Variants in FGF13 observed in about 807,000 individuals in gnomAD.
FGF13 encodes the protein fibroblast growth factor homologous factor 2.
In FGF13, 2 loss-of-function variants were observed where a neutral mutation model predicts 19.5. The observed-to-expected ratio is 0.10, with a 90% CI of 0.04 to 0.32. The LOEUF (loss-of-function observed/expected upper bound fraction) is 0.32. FGF13 is among the 10% of genes least tolerant of loss of function. The pLI, the probability that FGF13 is intolerant of heterozygous loss-of-function variation, is 1.00. For missense variants in FGF13, 113 were observed against 192.7 expected (o/e 0.59, Z 2.45); for synonymous variants, 72 against 76.9 (o/e 0.94, Z 0.33).
At chrX:139,089,843 C>CATT (rs1439034941) in intron 1 of FGF13, among the ~76,000 whole-genome samples, 12 of 111,203 alleles carry the variant, frequency 1.1e-4, no homozygotes, top group Admixed American at 1.9e-4. Flanking sequence ...TTGTGACCAT[C>CATT]ATTATTATTA....
At chrX:138,975,673 G>A (rs1400355593) in intron 1 of FGF13, among the ~76,000 whole-genome samples, 1 of 111,840 alleles carries the variant, frequency 8.9e-6, no homozygotes, top group Non-Finnish European at 1.9e-5. Context: ...GGGCCTTGGA[G>A]GAAGAATGGT....
At chrX:138,865,475 T>C (rs1054437241) in intron 1 of FGF13, among the ~76,000 whole-genome samples, 2 of 75,886 alleles carry the variant, frequency 2.6e-5, no homozygotes, top group African/African-American at 6.3e-5. Flanking sequence ...CTCTCTCTCC[T>C]CTCTCTCTCT....
intron 1 of FGF13, among the ~76,000 whole-genome samples, chrX:139,048,742 T>C (rs1170615319): frequency 1.8e-5 from 2 of 110,972 alleles, no homozygotes; most frequent in East Asian, 2.8e-4. Context: ...TTAAAAGCAA[T>C]TGTTTAATAA....
intron 1 of FGF13, among the ~76,000 whole-genome samples, chrX:138,865,642 T>C (rs756719656): frequency 3.4e-4 from 38 of 110,515 alleles, no homozygotes; most frequent in Admixed American, 7.7e-4. Flanking sequence ...GCAGCACACG[T>C]CTCTACACAG....
At chrX:138,809,500 G>A (rs2090902958) in intron 3 of FGF13, among the ~76,000 whole-genome samples, 1 of 111,598 alleles carries the variant, frequency 9.0e-6, no homozygotes, top group South Asian at 3.8e-4. Context: ...TACTGAATGG[G>A]CAAAACCTGG....
At chrX:138,950,468 T>G (rs1239405178) in intron 1 of FGF13, among the ~76,000 whole-genome samples, 1 of 111,943 alleles carries the variant, frequency 8.9e-6, no homozygotes, top group Middle Eastern at 4.2e-3. Flanking sequence ...CCTCTTTCGA[T>G]AGATGATAGG....
chrX:139,007,347 A>G (rs994724638), intron 1 of FGF13, among the ~76,000 whole-genome samples: 3 of 111,912 alleles, frequency 2.7e-5, no homozygotes, highest in Non-Finnish European at 5.6e-5. Context: ...CCAGATATAT[A>G]AAGCAAATAT....
intron 2 of FGF13, among the ~76,000 whole-genome samples, chrX:138,862,072 G>A (rs2091291281): frequency 8.9e-6 from 1 of 111,739 alleles, no homozygotes; most frequent in African/African-American, 3.2e-5. Context: ...TAGCTATTGG[G>A]TTCTTCAGTA....
intron 1 of FGF13, among the ~76,000 whole-genome samples, chrX:139,153,811 T>C (rs906147009): frequency 1.9e-5 from 2 of 106,221 alleles, no homozygotes; most frequent in African/African-American, 3.8e-5. Flanking sequence ...TCGTTATAAG[T>C]AGAGGAAAAT....
chrX:138,836,031 A>G, intron 3 of FGF13, among the ~76,000 whole-genome samples: 1 of 110,984 alleles, frequency 9.0e-6, no homozygotes, highest in Non-Finnish European at 1.9e-5. Flanking sequence ...TCTAGCTTAC[A>G]GGGTTTCAAG....
intron 3 of FGF13, among the ~76,000 whole-genome samples, chrX:138,844,668 C>T (rs556235911): frequency 9.0e-6 from 1 of 111,466 alleles, no homozygotes; most frequent in South Asian, 3.8e-4. Context: ...TTCCTTAGAC[C>T]TCATTCTTTT....
intron 1 of FGF13, among the ~76,000 whole-genome samples, chrX:138,976,337 T>C (rs1439863735): frequency 9.8e-5 from 11 of 111,900 alleles, no homozygotes; most frequent in Admixed American, 5.7e-4. Context: ...AAATGTAGTA[T>C]ATATACACCA....
chrX:138,847,352 A>C (rs562720667), intron 3 of FGF13, among the ~76,000 whole-genome samples: 88 of 112,029 alleles, frequency 7.9e-4, no homozygotes, highest in African/African-American at 2.7e-3. Flanking sequence ...GATGTGGCCC[A>C]GTGGAAGTAC....
intron 1 of FGF13, among the ~76,000 whole-genome samples, chrX:139,005,021 C>T (rs1251922518): frequency 8.9e-6 from 1 of 112,069 alleles, no homozygotes; most frequent in Admixed American, 9.4e-5. Flanking sequence ...AGGACGCAAG[C>T]CTGGCAGGCT....
intron 1 of FGF13, among the ~76,000 whole-genome samples, chrX:139,175,790 G>C (rs916640498): frequency 8.9e-6 from 1 of 112,118 alleles, no homozygotes; most frequent in Admixed American, 9.4e-5. Context: ...TGTGCTGCTA[G>C]ATCCAGTTTA....
At chrX:139,008,362 G>C (rs1047634285) in intron 1 of FGF13, among the ~76,000 whole-genome samples, 5 of 112,301 alleles carry the variant, frequency 4.5e-5, no homozygotes, top group Non-Finnish European at 9.4e-5. Flanking sequence ...TCTTGAAAGC[G>C]TCACCTCCTG....
chrX:139,174,629 C>A (rs753589823), intron 1 of FGF13, among the ~76,000 whole-genome samples: 1 of 111,786 alleles, frequency 8.9e-6, no homozygotes, highest in East Asian at 2.8e-4. Flanking sequence ...GCCAGTTTAC[C>A]CAACACCATT....
intron 1 of FGF13, among the ~76,000 whole-genome samples, chrX:139,180,023 G>A (rs193051595): frequency 8.0e-5 from 9 of 112,472 alleles, no homozygotes; most frequent in African/African-American, 2.9e-4. Context: ...ATGAATTAAT[G>A]AATAATCCAG....
chrX:138,947,788 C>T (rs751998955), intron 1 of FGF13, among the ~76,000 whole-genome samples: 1 of 111,793 alleles, frequency 8.9e-6, no homozygotes, highest in Admixed American at 9.5e-5. Flanking sequence ...CCCAGTACCT[C>T]GGAGGGTGAC....
Sources: gnomAD v4.1 joint callset for allele counts (sites outside exome capture counted in the v4.1 genomes callset) on GRCh38, gnomAD v4.1.1 for gene constraint, MANE v1.5 for transcripts, NCBI Gene and HGNC (gene_info 2026-07-23, HGNC 2026-07-21) for gene names.